NCKAP5: variants seen among roughly 807,000 people sequenced by gnomAD.
NCKAP5 encodes NCK associated protein 5, also known as nck-associated protein 5.
A neutral mutation model predicts 167.0 loss-of-function variants in NCKAP5; 92 were observed. The observed-to-expected ratio is 0.55, with a 90% confidence interval of 0.47 to 0.66. The LOEUF is 0.66. NCKAP5 is among the 30% of genes least tolerant of loss of function. The pLI is 0.00. For synonymous variants in NCKAP5, 891 were observed against 877.4 expected (o/e 1.02, Z -0.27); for missense variants, 2,378 against 2,315.0 (o/e 1.03, Z -0.56).
At position 133,282,878 on chromosome 2, in the gene NCKAP5, G is replaced by A. The variant is rs1042819393; in HGVS notation, c.143+20159C>T. On this transcript the variant is annotated intron_variant, in intron 4 of 19. Coordinates refer to ENST00000409261, the MANE Select transcript of NCKAP5 (RefSeq NM_207363.3). ...TCCTACCAGAATTCCTGTTTCCTCAGTACTGGCAGCAATGAGATTGCTCTG... is the reference window on the plus strand; with the variant it reads ...TCCTACCAGAATTCCTGTTTCCTCAATACTGGCAGCAATGAGATTGCTCTG... Among the ~76,000 whole-genome samples, 56 of 152,162 alleles carry A rather than the reference G, an allele frequency of 3.7e-4. 1 individual carries two copies. Among genetic ancestry groups the A allele is most frequent in the Admixed American group, 3.7e-3 (56 of 15,272 alleles).
At chr2:132,872,343 T>G (rs772618780) in intron 9 of NCKAP5, among the ~76,000 whole-genome samples, 1 of 152,190 alleles carries the variant, frequency 6.6e-6, no homozygotes, top group Non-Finnish European at 1.5e-5. Context: ...CTCTAACACA[T>G]GGCTGATCTT....
chr2:133,421,452 T>C (rs1178916636), intron 3 of NCKAP5, among the ~76,000 whole-genome samples: 7 of 152,208 alleles, frequency 4.6e-5, no homozygotes, highest in Non-Finnish European at 1.0e-4. Flanking sequence ...AGAGGTTACA[T>C]TAAAGCACAG....
chr2:132,771,135 CAGA>C (rs1682009713), intron 16 of NCKAP5, among the ~76,000 whole-genome samples: 1 of 152,072 alleles, frequency 6.6e-6, no homozygotes, highest in African/African-American at 2.4e-5. Context: ...AGGAGGTATC[CAGA>C]AGAAGACACT....
intron 5 of NCKAP5, among the ~76,000 whole-genome samples, chr2:133,169,888 A>G (rs1334898930): frequency 6.6e-6 from 1 of 152,200 alleles, no homozygotes; most frequent in Non-Finnish European, 1.5e-5. Context: ...ACGTAAGCAT[A>G]AGGCATCCCT....
At position 132,731,924 on chromosome 2, in the gene NCKAP5, C is replaced by G; in HGVS notation, c.5256G>C (p.Leu1752=). The change falls in exon 17 of 20, where the codon CTG becomes CTC. Residue 1752 remains leucine (L), a synonymous_variant. Transcript: ENST00000409261. The stretch of plus-strand genomic sequence containing the variant: ...CTGCAGAAAGGGCTGACTGGAGAGG[C>G]AGGAGAGGCTCAGCGTCCTCTGGGG... The part of the protein sequence containing the change: ...PDSPEDAEPL[L]PLQSALSAVS... 1.2e-6 allele frequency: 2 copies of G among 1,613,876 alleles called. No individual in the cohort carries two copies. The highest frequency in any genetic ancestry group is 1.7e-6 in the Non-Finnish European group (2 of 1,179,870).
At chr2:133,258,882 C>T (rs1240929783) in intron 4 of NCKAP5, among the ~76,000 whole-genome samples, 2 of 152,146 alleles carry the variant, frequency 1.3e-5, no homozygotes, top group Non-Finnish European at 2.9e-5. Context: ...CCCAGCTTTT[C>T]TTACTTTTTC....
At chr2:133,032,297 G>A (rs989853435) in intron 6 of NCKAP5, among the ~76,000 whole-genome samples, 23 of 152,134 alleles carry the variant, frequency 1.5e-4, no homozygotes, top group African/African-American at 5.3e-4. Flanking sequence ...GAAACCTTGG[G>A]CCTTAAGGGA....
At chr2:133,597,070 CT>C in the NCKAP5 span, among the ~76,000 whole-genome samples, 1 of 152,186 alleles carries the variant, frequency 6.6e-6, no homozygotes, top group African/African-American at 2.4e-5. Flanking sequence ...ATTTGCTCTC[CT>C]AATCAAATTG....
chr2:133,622,038 T>C, the NCKAP5 span, among the ~76,000 whole-genome samples: 1 of 152,120 alleles, frequency 6.6e-6, no homozygotes, highest in Non-Finnish European at 1.5e-5. Flanking sequence ...AAAAATCATA[T>C]GATCATCTCA....
At chr2:132,806,287 C>A (rs534867043) in intron 11 of NCKAP5, among the ~76,000 whole-genome samples, 1 of 152,228 alleles carries the variant, frequency 6.6e-6, no homozygotes, top group East Asian at 1.9e-4. Flanking sequence ...TGGGTAGATA[C>A]CCAGTAGTGG....
At chr2:133,189,081 A>G (rs1025090175) in intron 5 of NCKAP5, among the ~76,000 whole-genome samples, 2 of 152,170 alleles carry the variant, frequency 1.3e-5, no homozygotes, top group African/African-American at 4.8e-5. Flanking sequence ...AAATAGACAC[A>G]ATAAAAAATG....
intron 19 of NCKAP5, among the ~76,000 whole-genome samples, chr2:132,696,745 T>C (rs1249445287): frequency 6.6e-6 from 1 of 152,190 alleles, no homozygotes; most frequent in Non-Finnish European, 1.5e-5. Context: ...GAAGAAATTC[T>C]CCTAAACTCA....
chr2:133,104,074 G>A (rs1425461856), intron 6 of NCKAP5, among the ~76,000 whole-genome samples: 1 of 151,696 alleles, frequency 6.6e-6, no homozygotes, highest in Non-Finnish European at 1.5e-5. Context: ...CCCCTCCCAA[G>A]TGGGGAGAAG....
At position 132,888,972 on chromosome 2, in the gene NCKAP5, C is replaced by T. The variant is rs1259528099; in HGVS notation, c.580-10056G>A. On this transcript the variant is annotated intron_variant, in intron 8 of 19. Transcript: ENST00000409261. ...GGCTGAAGTGCCATCTTTGGTCTTC[C>T]AAGACTACACCATGAGCTTTTAAGC... 2.0e-5 allele frequency among the ~76,000 whole-genome samples: 3 copies of T among 151,942 alleles called. No homozygotes were observed. In the East Asian group the frequency reaches 5.8e-4, roughly 29 times the overall value.
intron 5 of NCKAP5, among the ~76,000 whole-genome samples, chr2:133,153,751 T>G: frequency 7.0e-6 from 1 of 142,500 alleles, no homozygotes; most frequent in African/African-American, 2.6e-5. Flanking sequence ...TGCCTTCCCC[T>G]CCCAACACAC....
intron 16 of NCKAP5, among the ~76,000 whole-genome samples, chr2:132,751,784 A>T (rs1680137082): frequency 6.6e-6 from 1 of 152,028 alleles, no homozygotes; most frequent in South Asian, 2.1e-4. Context: ...AAAAGTGGGG[A>T]TTTTTCACAC....
intron 16 of NCKAP5, among the ~76,000 whole-genome samples, chr2:132,736,508 C>T (rs1363834991): frequency 6.6e-6 from 1 of 151,930 alleles, no homozygotes; most frequent in Non-Finnish European, 1.5e-5. Flanking sequence ...CAGCTGGGCG[C>T]GGTGGCTCAT....
the NCKAP5 span, among the ~76,000 whole-genome samples, chr2:133,627,485 A>AT: frequency 1.3e-5 from 2 of 152,156 alleles, no homozygotes; most frequent in African/African-American, 4.8e-5. Context: ...ATTAAGAAAC[A>AT]TTTTTTAGGC....
At chr2:133,319,968 C>A (rs975344735) in intron 3 of NCKAP5, among the ~76,000 whole-genome samples, 1 of 152,104 alleles carries the variant, frequency 6.6e-6, no homozygotes, top group Non-Finnish European at 1.5e-5. Flanking sequence ...TGAGGGTAAA[C>A]TGCAGGTGAA....
Sources: gnomAD v4.1 joint callset for allele counts (sites outside exome capture counted in the v4.1 genomes callset) on GRCh38, gnomAD v4.1.1 for gene constraint, MANE v1.5 for transcripts, NCBI Gene and HGNC (gene_info 2026-07-23, HGNC 2026-07-21) for gene names.